Variants in CDH11 observed in about 807,000 individuals in gnomAD.
CDH11 encodes cadherin 11.
CDH11 carries 11 observed loss-of-function variants against 67.8 expected under a neutral mutation model. The observed-to-expected ratio is 0.16, with a 90% CI of 0.10 to 0.27. The LOEUF (loss-of-function observed/expected upper bound fraction) is 0.27. Ranked by LOEUF, CDH11 falls within the 10% of genes least tolerant of loss-of-function variation. CDH11 has a pLI of 1.00. For synonymous variants in CDH11, 419 were observed against 400.0 expected (o/e 1.05, Z -0.57); for missense variants, 847 against 1,031.2 (o/e 0.82, Z 2.45).
chr16:65,038,739 T>C (rs892410731), intron 2 of CDH11, among the ~76,000 whole-genome samples: 12 of 152,112 alleles, frequency 7.9e-5, no homozygotes, highest in Non-Finnish European at 1.8e-4. Flanking sequence ...GAAAACACCT[T>C]GGACACTTGG....
At chr16:65,007,511 G>C (rs2073085119) in intron 2 of CDH11, among the ~76,000 whole-genome samples, 1 of 152,162 alleles carries the variant, frequency 6.6e-6, no homozygotes, top group Admixed American at 6.5e-5. Context: ...TGTTTGGAAA[G>C]AGCACAAAGA....
intron 2 of CDH11, among the ~76,000 whole-genome samples, chr16:65,025,367 C>T (rs186279478): frequency 1.3e-4 from 20 of 152,204 alleles, no homozygotes; most frequent in African/African-American, 4.1e-4. Context: ...GACAGAGTCT[C>T]GCTCTGCTGC....
chr16:64,948,901 C>A, intron 12 of CDH11: 1 of 745,184 alleles, frequency 1.3e-6, no homozygotes, highest in Non-Finnish European at 2.1e-6. Flanking sequence ...AAGGCTCTCC[C>A]ATACACCCAG....
Position 64,943,870 on chromosome 16 carries a change from A to G in CDH11, c.*3733T>C. 1 of 228,556 alleles carries G rather than the reference A, an allele frequency of 4.4e-6. No individual in the cohort carries two copies. Among genetic ancestry groups the G allele is most frequent in the East Asian group, 6.3e-5 (1 of 15,994 alleles). The allele number at this position is 228,556 out of a possible 1,614,324, so 14.2% of individuals were successfully genotyped here. ...GATTCCCTGCCCTCATGGAGCTTAC[A>G]TTCTAGTGGGGCAGTCAGTCCCACC... is the stretch of plus-strand genomic sequence containing the variant. On this transcript the variant is annotated 3_prime_UTR_variant, in exon 13 of 13. Coordinates refer to ENST00000268603, the MANE Select transcript of CDH11 (RefSeq NM_001797.4).
chr16:64,988,428 T>G, intron 6 of CDH11, 84 bp from the exon 7 acceptor site: 1 of 1,257,832 alleles, frequency 8.0e-7, no homozygotes, highest in Non-Finnish European at 1.1e-6. Context: ...CCAATAAATT[T>G]CTCAAAGGAT....
chr16:65,009,233 T>TA (rs368287810), intron 2 of CDH11, among the ~76,000 whole-genome samples: 15 of 151,144 alleles, frequency 9.9e-5, no homozygotes, highest in Middle Eastern at 6.9e-3. Context: ...TAGACTATAA[T>TA]AAAAAAAAAT....
At chr16:65,040,544 T>C (rs1270744846) in intron 2 of CDH11, among the ~76,000 whole-genome samples, 1 of 108,444 alleles carries the variant, frequency 9.2e-6, no homozygotes, top group South Asian at 3.2e-4. Context: ...CATCACACCC[T>C]GGGGCATGTT....
At chr16:65,122,101 G>C (rs2075343763), upstream of CDH11, 4 of 573,640 alleles carry the variant, frequency 7.0e-6, no homozygotes, top group Non-Finnish European at 9.2e-6. Context: ...ATGAGAAACC[G>C]GGGGGAGGTG....
chr16:64,990,436 TTCTCTGATAG>T (rs2072599892), intron 6 of CDH11, among the ~76,000 whole-genome samples: 1 of 152,146 alleles, frequency 6.6e-6, no homozygotes. Context: ...AATGTTCCAT[TTCTCTGATAG>T]TAAGCTCACA....
chr16:65,122,137 G>A (rs1162996091), upstream of CDH11: 2 of 508,842 alleles, frequency 3.9e-6, no homozygotes, highest in South Asian at 2.2e-5. Context: ...GGTGCGGGGC[G>A]GGGGGGGCGG....
intron 1 of CDH11, among the ~76,000 whole-genome samples, chr16:65,097,231 A>G (rs2074914462): frequency 6.6e-6 from 1 of 152,226 alleles, no homozygotes; most frequent in Admixed American, 6.5e-5. Flanking sequence ...CGTGTTGTAA[A>G]GAACAAGGTT....
At chr16:65,084,881 T>C (rs1404536940) in intron 1 of CDH11, among the ~76,000 whole-genome samples, 1 of 152,210 alleles carries the variant, frequency 6.6e-6, no homozygotes, top group Non-Finnish European at 1.5e-5. Flanking sequence ...TTTCTTTTAC[T>C]GTCCTATCCA....
chr16:65,002,166 T>C (rs1325149330), intron 3 of CDH11, among the ~76,000 whole-genome samples: 1 of 152,194 alleles, frequency 6.6e-6, no homozygotes, highest in African/African-American at 2.4e-5. Context: ...TCAGATTCAT[T>C]CTCATGTACC....
At chr16:64,978,165 C>T (rs2072230521) in intron 8 of CDH11, among the ~76,000 whole-genome samples, 1 of 152,184 alleles carries the variant, frequency 6.6e-6, no homozygotes, top group Non-Finnish European at 1.5e-5. Context: ...TTCTATCACG[C>T]CTCCTGTTTT....
intron 1 of CDH11, among the ~76,000 whole-genome samples, chr16:65,089,040 T>C (rs944671983): frequency 3.9e-5 from 6 of 152,172 alleles, no homozygotes; most frequent in Non-Finnish European, 5.9e-5. Flanking sequence ...ACTTTGAGTG[T>C]TTTTGTCATT....
intron 11 of CDH11, among the ~76,000 whole-genome samples, chr16:64,951,858 C>T (rs2071370967): frequency 6.6e-6 from 1 of 152,016 alleles, no homozygotes; most frequent in Non-Finnish European, 1.5e-5. Flanking sequence ...CTTTAAAACC[C>T]CAACACCATC....
chr16:64,969,961 C>A, intron 11 of CDH11, among the ~76,000 whole-genome samples: 1 of 152,134 alleles, frequency 6.6e-6, no homozygotes, highest in Non-Finnish European at 1.5e-5. Context: ...TACAAGTGCA[C>A]ATTCACCAAA....
intron 1 of CDH11, among the ~76,000 whole-genome samples, chr16:65,112,464 G>A (rs1183599015): frequency 6.6e-6 from 1 of 152,142 alleles, no homozygotes; most frequent in Non-Finnish European, 1.5e-5. Context: ...TTCCTTTGGG[G>A]CCCTTACAGT....
Position 64,998,846 on chromosome 16 carries a change from T to C in CDH11, c.239A>G (p.Asp80Gly). ...DPVLVGRLHS[D>G]IDSGDGNIKY... is the part of the protein sequence containing the mutation. Reference sequence around the variant, plus strand: ...AATGTTCCCATCACCAGAGTCAATATCTGAATGAAGCTGGAAGAAAGAGAA... The same window carrying C: ...AATGTTCCCATCACCAGAGTCAATACCTGAATGAAGCTGGAAGAAAGAGAA... The change falls in exon 4 of 13, where the codon GAT (aspartate) becomes GGT (glycine). Residue 80 changes from aspartate (D) to glycine (G), a missense_variant. By Grantham distance (94) the Asp-to-Gly change is moderately conservative. Transcript: ENST00000268603. 6.2e-7 allele frequency: 1 copy of C among 1,613,362 alleles called. No individual in the cohort carries two copies. Among genetic ancestry groups the C allele is most frequent in the Non-Finnish European group, 8.5e-7 (1 of 1,179,432 alleles).
Sources: gnomAD v4.1 joint callset for allele counts (sites outside exome capture counted in the v4.1 genomes callset) on GRCh38, gnomAD v4.1.1 for gene constraint, MANE v1.5 for transcripts, NCBI Gene and HGNC (gene_info 2026-07-23, HGNC 2026-07-21) for gene names.